CPHXL2: variants seen among roughly 807,000 people sequenced by gnomAD.
CPHXL2 encodes the protein cytoplasmic polyadenylated homeobox-like protein 2.
At chr16:75,669,705 A>G in the CPHXL2 span, 2 of 393,354 alleles carry the variant, frequency 5.1e-6, no homozygotes, top group Admixed American at 8.9e-5. Flanking sequence ...AAAATTACAC[A>G]TGAAAGCAGG....
chr16:75,673,778 A>C, the CPHXL2 span, among the ~76,000 whole-genome samples: 10,300 of 151,476 alleles, frequency 0.068, 487 homozygotes, highest in African/African-American at 0.13. Context: ...CAGGAGTTTG[A>C]GATCAGCCTG....
the CPHXL2 span, among the ~76,000 whole-genome samples, chr16:75,667,663 T>A: frequency 1.3e-4 from 20 of 152,234 alleles, no homozygotes; most frequent in Non-Finnish European, 2.5e-4. Context: ...TTGTGCCAGA[T>A]CCCAGGGCAT....
chr16:75,660,253 C>G, the CPHXL2 span: 1 of 398,264 alleles, frequency 2.5e-6, no homozygotes, highest in Non-Finnish European at 4.4e-6. Context: ...TTCTGTGATA[C>G]TTAGCAATAC....
the CPHXL2 span, among the ~76,000 whole-genome samples, chr16:75,671,830 AAAAG>A: frequency 6.6e-6 from 1 of 152,226 alleles, no homozygotes; most frequent in East Asian, 1.9e-4. Flanking sequence ...GTGTGACTGA[AAAAG>A]AGAGAGGAGG....
chr16:75,669,315 TA>T, the CPHXL2 span: 13,095 of 360,826 alleles, frequency 0.036, no homozygotes, highest in Non-Finnish European at 0.048. Flanking sequence ...AGACCTTTCC[TA>T]AAAAAAAAAA....
At chr16:75,672,888 AAAAAAC>A in the CPHXL2 span, among the ~76,000 whole-genome samples, 14 of 151,938 alleles carry the variant, frequency 9.2e-5, no homozygotes, top group Non-Finnish European at 1.5e-4. Context: ...CCTCAGTTTT[AAAAAAC>A]AAAAACAAAA....
the CPHXL2 span, among the ~76,000 whole-genome samples, chr16:75,674,321 C>G: frequency 7.3e-6 from 1 of 136,258 alleles, no homozygotes; most frequent in Non-Finnish European, 1.5e-5. Flanking sequence ...TGCAGTGAGC[C>G]GAGATCGCAC....
At chr16:75,660,810 C>T in the CPHXL2 span, 109 of 398,612 alleles carry the variant, frequency 2.7e-4, no homozygotes, top group East Asian at 2.8e-3. Context: ...GCTGAGAAAA[C>T]GATAGGCAGT....
chr16:75,669,930 TTTTA>T, the CPHXL2 span, among the ~76,000 whole-genome samples: 10 of 152,304 alleles, frequency 6.6e-5, no homozygotes, highest in South Asian at 2.1e-4. Context: ...AGAATTTATC[TTTTA>T]TTTATTTATT....
chr16:75,676,074 C>T, the CPHXL2 span, among the ~76,000 whole-genome samples: 10 of 151,808 alleles, frequency 6.6e-5, no homozygotes, highest in East Asian at 1.9e-4. Context: ...AGCAAAACTC[C>T]GTCTCCAAAA....
chr16:75,671,003 C>G, the CPHXL2 span, among the ~76,000 whole-genome samples: 2 of 152,150 alleles, frequency 1.3e-5, no homozygotes, highest in African/African-American at 4.8e-5. Context: ...CTCTTCTGAT[C>G]CCCTTGATTC....
the CPHXL2 span, among the ~76,000 whole-genome samples, chr16:75,664,452 C>A: frequency 2.0e-5 from 3 of 151,798 alleles, no homozygotes; most frequent in Non-Finnish European, 4.4e-5. Flanking sequence ...ATGGAGAAAC[C>A]CCGTATTTAC....
the CPHXL2 span, among the ~76,000 whole-genome samples, chr16:75,672,450 G>A: frequency 1.3e-5 from 2 of 152,018 alleles, no homozygotes; most frequent in African/African-American, 4.8e-5. Context: ...TGTATGCCGG[G>A]TGGAGTGGCT....
the CPHXL2 span, among the ~76,000 whole-genome samples, chr16:75,676,499 T>C: frequency 6.6e-6 from 1 of 152,142 alleles, no homozygotes; most frequent in African/African-American, 2.4e-5. Flanking sequence ...TTTTTATTTC[T>C]TTTGTAGAAA....
At chr16:75,662,118 T>A in the CPHXL2 span, among the ~76,000 whole-genome samples, 1 of 152,112 alleles carries the variant, frequency 6.6e-6, no homozygotes. Context: ...CCTTTTTGGG[T>A]TTGATTAACT....
chr16:75,664,460 T>C, the CPHXL2 span, among the ~76,000 whole-genome samples: 5 of 152,014 alleles, frequency 3.3e-5, no homozygotes, highest in East Asian at 9.7e-4. Context: ...ACCCCGTATT[T>C]ACTAAAAGTA....
the CPHXL2 span, among the ~76,000 whole-genome samples, chr16:75,667,110 G>C: frequency 6.6e-6 from 1 of 151,832 alleles, no homozygotes; most frequent in African/African-American, 2.4e-5. Context: ...TCAGGAGTTC[G>C]AGACCAGCCT....
At chr16:75,668,285 G>C in the CPHXL2 span, among the ~76,000 whole-genome samples, 39 of 148,946 alleles carry the variant, frequency 2.6e-4, no homozygotes, top group African/African-American at 8.5e-4. Flanking sequence ...CTGGAGTGCA[G>C]TGGCGGGATC....
At chr16:75,662,154 G>C in the CPHXL2 span, among the ~76,000 whole-genome samples, 20 of 152,152 alleles carry the variant, frequency 1.3e-4, no homozygotes, top group Middle Eastern at 3.4e-3. Flanking sequence ...CAGAACTCAG[G>C]GAATCACATA....
Sources: allele counts gnomAD v4.1 joint callset (sites outside exome capture counted in the v4.1 genomes callset), GRCh38; gene constraint gnomAD v4.1.1; transcripts MANE v1.5; gene names NCBI Gene and HGNC (gene_info 2026-07-23, HGNC 2026-07-21).